Variants in NFIA observed in about 807,000 individuals in gnomAD.
NFIA encodes the protein nuclear factor I A.
NFIA carries 8 observed loss-of-function variants against 62.8 expected under a neutral mutation model. The observed-to-expected ratio is 0.13, with a 90% CI of 0.07 to 0.23. The LOEUF (loss-of-function observed/expected upper bound fraction) is 0.23. Ranked by LOEUF, NFIA falls within the 10% of genes least tolerant of loss-of-function variation. The probability of loss-of-function intolerance (pLI) is 1.00; values close to 1 mark genes in which losing one functional copy is unlikely to be tolerated. For missense variants in NFIA, 410 were observed against 642.1 expected, an observed-to-expected ratio of 0.64 and a Z score of 3.91; for synonymous variants, 235 against 238.1, an observed-to-expected ratio of 0.99 and a Z score of 0.12.
At chr1:61,151,200 G>T (rs1024467497) in intron 2 of NFIA, among the ~76,000 whole-genome samples, 3 of 151,920 alleles carry the variant, frequency 2.0e-5, no homozygotes, top group Admixed American at 2.0e-4. Context: ...TGCAGTTTTT[G>T]TTGTTGTTGT....
intron 4 of NFIA, among the ~76,000 whole-genome samples, chr1:61,342,515 A>G (rs1661978210): frequency 6.6e-6 from 1 of 152,190 alleles, no homozygotes. Context: ...TCAGCCCCCA[A>G]AGCAGAAGGC....
At chr1:61,203,529 C>G (rs187487121) in intron 2 of NFIA, among the ~76,000 whole-genome samples, 5 of 152,264 alleles carry the variant, frequency 3.3e-5, no homozygotes, top group Admixed American at 3.3e-4. Context: ...GCTCATCCTT[C>G]AGGCTGCCTC....
chr1:61,299,342 C>G (rs1375985430), intron 3 of NFIA, among the ~76,000 whole-genome samples: 1 of 152,164 alleles, frequency 6.6e-6, no homozygotes, highest in Non-Finnish European at 1.5e-5. Flanking sequence ...TGTTTGAAAT[C>G]TTGATCTGGG....
Position 61,088,201 on chromosome 1 carries a change from C to G in NFIA, c.80C>G (p.Ala27Gly). 1.2e-6 allele frequency: 2 copies of G among 1,613,622 alleles called. No individual in the cohort carries two copies. The highest frequency in any genetic ancestry group is 1.7e-6 in the Non-Finnish European group (2 of 1,179,938). The change falls in exon 2 of 11, where the codon GCC becomes GGC. Residue 27 changes from alanine (A) to glycine (G), a missense_variant. Physicochemically the swap from Ala to Gly is moderately conservative, Grantham distance 60. Transcript: ENST00000403491. This position sits in a 1 kb window ranked among gnomAD's most constrained non-coding sequence, Gnocchi z 4.5. ...EALLPHVRAF[A>G]YTWFNLQARK... is the part of the protein sequence containing the mutation. Reference sequence around the variant, plus strand: ...CTTCTGCCCCACGTCCGAGCCTTTGCCTACACATGGTTCAACCTGCAGGCC... The same window carrying G: ...CTTCTGCCCCACGTCCGAGCCTTTGGCTACACATGGTTCAACCTGCAGGCC...
chr1:61,403,609 C>G (rs939470586), intron 7 of NFIA, among the ~76,000 whole-genome samples: 1 of 152,156 alleles, frequency 6.6e-6, no homozygotes, highest in African/African-American at 2.4e-5. Context: ...TTACTACATA[C>G]TTCAAAAAAT....
At chr1:61,322,133 C>T (rs750297563) in intron 3 of NFIA, among the ~76,000 whole-genome samples, 4 of 152,166 alleles carry the variant, frequency 2.6e-5, no homozygotes, top group Non-Finnish European at 5.9e-5. Flanking sequence ...CTTAACTTCT[C>T]ATGTCTAGTT....
chr1:61,085,579 T>TA (rs1363164176), intron 1 of NFIA, among the ~76,000 whole-genome samples: 1 of 152,114 alleles, frequency 6.6e-6, no homozygotes, highest in Admixed American at 6.5e-5. Flanking sequence ...TTTTTTTTTT[T>TA]AACTAATCAT....
intron 2 of NFIA, among the ~76,000 whole-genome samples, chr1:61,114,214 A>G (rs913150098): frequency 2.0e-5 from 3 of 152,234 alleles, no homozygotes; most frequent in African/African-American, 7.2e-5. Flanking sequence ...AACACATGTT[A>G]TTTCTTTGTT....
chr1:61,194,749 C>T (rs1651878690), intron 2 of NFIA, among the ~76,000 whole-genome samples: 1 of 152,066 alleles, frequency 6.6e-6, no homozygotes, highest in Non-Finnish European at 1.5e-5. Flanking sequence ...AACTCAGTGC[C>T]CTTCCCACTA....
intron 7 of NFIA, among the ~76,000 whole-genome samples, chr1:61,388,990 T>C (rs1557750507): frequency 6.6e-6 from 1 of 152,010 alleles, no homozygotes; most frequent in Non-Finnish European, 1.5e-5. Context: ...GGTAGAGACC[T>C]GTGGTCCTAG....
intron 2 of NFIA, among the ~76,000 whole-genome samples, chr1:61,247,687 T>G (rs1410948177): frequency 6.6e-6 from 1 of 152,172 alleles, no homozygotes; most frequent in Non-Finnish European, 1.5e-5. Context: ...TTTTGCTGGC[T>G]TGTCTGTTTG....
intron 2 of NFIA, among the ~76,000 whole-genome samples, chr1:61,130,159 C>G (rs1393887568): frequency 6.6e-6 from 1 of 152,132 alleles, no homozygotes; most frequent in Non-Finnish European, 1.5e-5. Context: ...GCAATCACTT[C>G]TACTTTGTAT....
At chr1:61,447,968 A>AT (rs1469465518) in intron 10 of NFIA, among the ~76,000 whole-genome samples, 1 of 152,218 alleles carries the variant, frequency 6.6e-6, no homozygotes, top group African/African-American at 2.4e-5. Context: ...AGCTGACAGA[A>AT]TAGCAGCGTT....
At chr1:61,381,158 TCTG>T (rs1195080626) in intron 6 of NFIA, among the ~76,000 whole-genome samples, 2 of 152,126 alleles carry the variant, frequency 1.3e-5, no homozygotes, top group Non-Finnish European at 2.9e-5. Flanking sequence ...AATTATCTGT[TCTG>T]CTTCTGTTTT....
chr1:61,289,845 C>T (rs1431448539), intron 3 of NFIA, among the ~76,000 whole-genome samples: 1 of 152,034 alleles, frequency 6.6e-6, no homozygotes, highest in Non-Finnish European at 1.5e-5. Context: ...ACTAACAGGA[C>T]TGTTTCTGTG....
At chr1:61,078,686 G>GT (rs1177939563), upstream of NFIA, among the ~76,000 whole-genome samples, 2 of 152,178 alleles carry the variant, frequency 1.3e-5, no homozygotes, top group Non-Finnish European at 2.9e-5. Flanking sequence ...TTAGGGGAGT[G>GT]TTTTTTCTTG....
intron 2 of NFIA, among the ~76,000 whole-genome samples, chr1:61,092,306 A>G (rs1209394366): frequency 2.6e-5 from 4 of 152,196 alleles, no homozygotes; most frequent in Non-Finnish European, 5.9e-5. Flanking sequence ...TTTAATTGTT[A>G]ATTAGCCAGT....
chr1:61,441,088 C>T (rs1397622040), intron 10 of NFIA, among the ~76,000 whole-genome samples: 1 of 151,948 alleles, frequency 6.6e-6, no homozygotes, highest in Non-Finnish European at 1.5e-5. Flanking sequence ...GACTGAAATG[C>T]AGGGACCTGT....
intron 7 of NFIA, among the ~76,000 whole-genome samples, chr1:61,387,769 C>T (rs1169404444): frequency 1.3e-5 from 2 of 152,198 alleles, no homozygotes; most frequent in Non-Finnish European, 2.9e-5. Flanking sequence ...AGTCAAATTG[C>T]ATATAAATGC....
Sources: allele counts gnomAD v4.1 joint callset (sites outside exome capture counted in the v4.1 genomes callset), GRCh38; gene constraint gnomAD v4.1.1; non-coding constraint Gnocchi (gnomAD v3.1); transcripts MANE v1.5; gene names NCBI Gene and HGNC (gene_info 2026-07-23, HGNC 2026-07-21).